LRFN5: variants seen among roughly 807,000 people sequenced by gnomAD.
LRFN5 encodes the protein leucine rich repeat and fibronectin type III domain containing 5.
A neutral mutation model predicts 45.6 loss-of-function variants in LRFN5; 24 were observed. The observed-to-expected ratio is 0.53, with a 90% CI of 0.38 to 0.74. The LOEUF (loss-of-function observed/expected upper bound fraction) is 0.74. Among genes scored for constraint, LRFN5 ranks in the 30% least tolerant of loss-of-function variants. The pLI is 0.00. For synonymous variants in LRFN5, 340 were observed against 313.8 expected, an observed-to-expected ratio of 1.08 and a Z score of -0.88; for missense variants, 776 against 861.5, an observed-to-expected ratio of 0.90 and a Z score of 1.24.
At chr14:41,724,324 C>T (rs73305583) in intron 1 of LRFN5, among the ~76,000 whole-genome samples, 1 of 152,118 alleles carries the variant, frequency 6.6e-6, no homozygotes, top group Non-Finnish European at 1.5e-5. Flanking sequence ...TTAGAAAGCA[C>T]CCCTAATTTT....
At chr14:41,871,857 T>C (rs1890030218) in intron 2 of LRFN5, among the ~76,000 whole-genome samples, 1 of 152,202 alleles carries the variant, frequency 6.6e-6, no homozygotes, top group African/African-American at 2.4e-5. Context: ...ACCTGCTCTT[T>C]TACCCAAGCT....
intron 2 of LRFN5, among the ~76,000 whole-genome samples, chr14:41,873,419 CAGAGAGAGAGAG>C (rs10558865): frequency 1.4e-5 from 2 of 146,506 alleles, no homozygotes; most frequent in Non-Finnish European, 3.0e-5. Context: ...GAGAGAGAGA[CAGAGAGAGAGAG>C]AGAGAGAGAG....
At chr14:41,758,542 C>T (rs978721702) in intron 1 of LRFN5, among the ~76,000 whole-genome samples, 3 of 152,192 alleles carry the variant, frequency 2.0e-5, no homozygotes, top group Non-Finnish European at 4.4e-5. Context: ...GTGTCAGTCA[C>T]AGATTCACAG....
chr14:41,852,094 A>G (rs2139077280), intron 2 of LRFN5, among the ~76,000 whole-genome samples: 1 of 151,872 alleles, frequency 6.6e-6, no homozygotes. Flanking sequence ...TACTCCCTTA[A>G]ATTGCTTATT....
intron 1 of LRFN5, among the ~76,000 whole-genome samples, chr14:41,658,383 CTTAA>C (rs1376791801): frequency 1.3e-5 from 2 of 152,010 alleles, no homozygotes; most frequent in East Asian, 3.9e-4. Context: ...TTAATCATGA[CTTAA>C]TTAATACATG....
At chr14:41,693,317 A>C (rs1375382997) in intron 1 of LRFN5, among the ~76,000 whole-genome samples, 1 of 152,102 alleles carries the variant, frequency 6.6e-6, no homozygotes, top group Non-Finnish European at 1.5e-5. Context: ...TGAAGTTATA[A>C]ATTGTTGTTG....
chr14:41,735,025 C>T (rs1397921014), intron 1 of LRFN5, among the ~76,000 whole-genome samples: 1 of 151,880 alleles, frequency 6.6e-6, no homozygotes, highest in Non-Finnish European at 1.5e-5. Context: ...TTTAATAGTT[C>T]TTTCTTTAAA....
chr14:41,877,854 AAC>A (rs1890240765), intron 2 of LRFN5, among the ~76,000 whole-genome samples: 2 of 152,256 alleles, frequency 1.3e-5, no homozygotes, highest in South Asian at 4.1e-4. Context: ...GCAGTTGCTA[AAC>A]ACATCTTCCC....
At chr14:41,770,793 T>C (rs1856914134) in intron 2 of LRFN5, among the ~76,000 whole-genome samples, 1 of 152,042 alleles carries the variant, frequency 6.6e-6, no homozygotes, top group African/African-American at 2.4e-5. Context: ...TGGAGGACAA[T>C]GGTTTCCTTC....
chr14:41,898,508 C>T (rs1891009287), intron 4 of LRFN5, among the ~76,000 whole-genome samples: 1 of 151,796 alleles, frequency 6.6e-6, no homozygotes, highest in South Asian at 2.1e-4. Context: ...ATATTTTCTG[C>T]TTTGAATTCT....
rs372907543 is a variant in LRFN5 at position 41,825,761 on chromosome 14, T to G, written c.-21+58732T>G. On this transcript the variant is annotated intron_variant, in intron 2 of 5. Transcript: ENST00000298119. ...GCCTTGGTTTGGGGGGAGGGTGAGT[T>G]ACCCTTTGCCAGCTGGCAGCTCAGT... Among the ~76,000 whole-genome samples the G allele has an allele frequency of 2.1e-3, 317 of 152,256 alleles. 1 individual carries two copies. Among genetic ancestry groups the G allele is most frequent in the Non-Finnish European group, 3.7e-3 (255 of 68,024 alleles).
intron 1 of LRFN5, among the ~76,000 whole-genome samples, chr14:41,711,003 A>G (rs1883261414): frequency 7.2e-6 from 1 of 139,216 alleles, no homozygotes; most frequent in Admixed American, 7.4e-5. Flanking sequence ...TTTTCATCTG[A>G]CTTGCATATT....
intron 1 of LRFN5, among the ~76,000 whole-genome samples, chr14:41,735,246 C>G (rs1002888846): frequency 6.7e-6 from 1 of 148,398 alleles, no homozygotes; most frequent in East Asian, 2.3e-4. Context: ...TTTTTGCCAT[C>G]CATTCACCTT....
chr14:41,790,780 C>A (rs1237843781), intron 2 of LRFN5, among the ~76,000 whole-genome samples: 1 of 108,130 alleles, frequency 9.2e-6, no homozygotes, highest in Non-Finnish European at 1.9e-5. Context: ...GGTCTTTATT[C>A]CAGATTGAAA....
At chr14:41,747,750 T>A (rs1309615121) in intron 1 of LRFN5, among the ~76,000 whole-genome samples, 2 of 151,964 alleles carry the variant, frequency 1.3e-5, no homozygotes, top group Non-Finnish European at 2.9e-5. Flanking sequence ...GGAGAAAGTA[T>A]TTGGAAATTA....
intron 1 of LRFN5, among the ~76,000 whole-genome samples, chr14:41,651,194 C>T (rs1309423898): frequency 6.6e-6 from 1 of 152,082 alleles, no homozygotes; most frequent in African/African-American, 2.4e-5. Context: ...TCACAGCACT[C>T]TCATGGATTT....
At chr14:41,830,493 TTAGAG>T (rs1054699930) in intron 2 of LRFN5, among the ~76,000 whole-genome samples, 4 of 152,212 alleles carry the variant, frequency 2.6e-5, no homozygotes, top group Non-Finnish European at 2.9e-5. Context: ...AGATTTATCT[TTAGAG>T]TACCTCATAT....
At chr14:41,759,105 A>G (rs1243712698) in intron 1 of LRFN5, among the ~76,000 whole-genome samples, 1 of 152,102 alleles carries the variant, frequency 6.6e-6, no homozygotes, top group Non-Finnish European at 1.5e-5. Flanking sequence ...AGGATGGTAC[A>G]TTTTAAAGTG....
chr14:41,904,096 A>G, intron 5 of LRFN5, 62 bp from the exon 6 acceptor site: 1 of 1,316,198 alleles, frequency 7.6e-7, no homozygotes. Flanking sequence ...CTTATTAGCT[A>G]TGTGTTTTCT....
Sources: gnomAD v4.1 joint callset for allele counts (sites outside exome capture counted in the v4.1 genomes callset) on GRCh38, gnomAD v4.1.1 for gene constraint, MANE v1.5 for transcripts, NCBI Gene and HGNC (gene_info 2026-07-23, HGNC 2026-07-21) for gene names.